CCDC7: variants seen among roughly 807,000 people sequenced by gnomAD.
CCDC7 encodes coiled-coil domain-containing protein 7.
A neutral mutation model predicts 196.9 loss-of-function variants in CCDC7; 183 were observed. That is an observed-to-expected ratio of 0.93 (90% CI 0.82 to 1.05). The LOEUF is 1.05. CCDC7 is among the 50% of genes least tolerant of loss of function. The probability of loss-of-function intolerance (pLI) is 0.00; values close to 1 mark genes in which losing one functional copy is unlikely to be tolerated. For missense variants in CCDC7, 1,540 were observed against 1,482.2 expected (o/e 1.04, Z -0.64); for synonymous variants, 525 against 484.6 (o/e 1.08, Z -1.10).
chr10:32,834,725 C>A, intron 32 of CCDC7, 90 bp from the exon 34 acceptor site: 1 of 527,356 alleles, frequency 1.9e-6, no homozygotes, highest in Non-Finnish European at 3.5e-6. Context: ...ACTATTCATA[C>A]ATACAAATAT....
At chr10:32,637,673 A>G (rs2065902601) in intron 20 of CCDC7, among the ~76,000 whole-genome samples, 1 of 152,170 alleles carries the variant, frequency 6.6e-6, no homozygotes, top group Admixed American at 6.5e-5. Context: ...TGGTACCTCC[A>G]GCTTTGTTCT....
At chr10:32,545,001 A>G (rs1183904102) in intron 13 of CCDC7, among the ~76,000 whole-genome samples, 1 of 152,238 alleles carries the variant, frequency 6.6e-6, no homozygotes, top group Non-Finnish European at 1.5e-5. Context: ...ACAAAGTACA[A>G]TAGGAAAAAA....
intron 21 of CCDC7, among the ~76,000 whole-genome samples, chr10:32,669,966 G>C (rs1425040396): frequency 1.3e-5 from 2 of 152,106 alleles, no homozygotes; most frequent in African/African-American, 4.8e-5. Context: ...TGCTTGGTGA[G>C]CATGGAGTCA....
At chr10:32,557,248 A>G (rs1397889983) in intron 13 of CCDC7, among the ~76,000 whole-genome samples, 1 of 143,694 alleles carries the variant, frequency 7.0e-6, no homozygotes, top group Non-Finnish European at 1.5e-5. Flanking sequence ...ATAATATGTC[A>G]TTTTTCTTTG....
intron 28 of CCDC7, among the ~76,000 whole-genome samples, chr10:32,765,838 G>T (rs1009038390): frequency 5.9e-5 from 9 of 151,972 alleles, no homozygotes; most frequent in African/African-American, 2.2e-4. Flanking sequence ...GTATCCCCTG[G>T]TAACTGGCAT....
intron 11 of CCDC7, among the ~76,000 whole-genome samples, chr10:32,537,676 G>T (rs963294922): frequency 2.0e-5 from 3 of 152,124 alleles, no homozygotes; most frequent in Non-Finnish European, 2.9e-5. Context: ...TGAATGTGGT[G>T]TAAGGTAGGG....
chr10:32,625,494 G>T (rs1319307257), intron 18 of CCDC7, among the ~76,000 whole-genome samples: 1 of 149,778 alleles, frequency 6.7e-6, no homozygotes, highest in South Asian at 2.1e-4. Context: ...ATTTATTATG[G>T]GGTATAAAGC....
chr10:32,849,273 T>C (rs12256673), intron 39 of CCDC7, among the ~76,000 whole-genome samples: 2,903 of 152,280 alleles, frequency 0.019, 95 homozygotes, highest in African/African-American at 0.066. Context: ...CTGATGATTG[T>C]CTTGGCTGGG....
intron 41 of CCDC7, among the ~76,000 whole-genome samples, chr10:32,863,886 A>AAAAT (rs76626663): frequency 0.31 from 46,357 of 147,244 alleles, 9,321 homozygotes; most frequent in Non-Finnish European, 0.46. Context: ...GCTAAAAAAC[A>AAAAT]AAATAAATAA....
intron 8 of CCDC7, among the ~76,000 whole-genome samples, chr10:32,483,579 G>T (rs1365934741): frequency 6.6e-6 from 1 of 152,208 alleles, no homozygotes; most frequent in Non-Finnish European, 1.5e-5. Flanking sequence ...CCATGCCTAT[G>T]TCCTGAATGG....
intron 20 of CCDC7, among the ~76,000 whole-genome samples, chr10:32,654,257 A>G (rs974789429): frequency 4.6e-5 from 7 of 152,250 alleles, no homozygotes; most frequent in African/African-American, 1.7e-4. Flanking sequence ...AGTTATTTGA[A>G]TAGTTTTATA....
At chr10:32,687,392 G>T (rs1248597159) in intron 22 of CCDC7, among the ~76,000 whole-genome samples, 1 of 152,100 alleles carries the variant, frequency 6.6e-6, no homozygotes, top group Non-Finnish European at 1.5e-5. Flanking sequence ...TCCCCTTAGG[G>T]CTTGAGGCTG....
chr10:32,478,169 A>G (rs1178727431), intron 8 of CCDC7, among the ~76,000 whole-genome samples: 2 of 152,224 alleles, frequency 1.3e-5, no homozygotes, highest in Non-Finnish European at 2.9e-5. Flanking sequence ...ATAGGAAAGC[A>G]ATTGCAATTA....
rs532731155 is a variant in CCDC7, at chr10:32,819,210, T to C, written c.3181+4757T>C. Among the ~76,000 whole-genome samples, 4 of 151,992 alleles carry C rather than the reference T, an allele frequency of 2.6e-5. No individual in the cohort carries two copies. In the South Asian group the frequency reaches 8.3e-4, roughly 32 times the overall value. On this transcript the variant is annotated intron_variant, in intron 31 of 41. Transcript: ENST00000639629. ...ACCTCTACACAAATAAACTAGAAAA[T>C]CTAGAAGAAATGGATACATTCCTTG...
chr10:32,753,102 A>G (rs941559978), intron 28 of CCDC7, among the ~76,000 whole-genome samples: 6 of 152,282 alleles, frequency 3.9e-5, no homozygotes, highest in African/African-American at 1.2e-4. Context: ...TTTCTTTTCA[A>G]TGTATTTCAA....
chr10:32,627,766 A>G (rs772989201), intron 18 of CCDC7, among the ~76,000 whole-genome samples: 14 of 152,066 alleles, frequency 9.2e-5, no homozygotes, highest in Non-Finnish European at 5.9e-5. Flanking sequence ...ATCTATTGAG[A>G]TGATCATGTG....
chr10:32,765,101 G>T (rs2078063322), intron 28 of CCDC7, among the ~76,000 whole-genome samples: 1 of 151,908 alleles, frequency 6.6e-6, no homozygotes, highest in Admixed American at 6.6e-5. Context: ...TCAATTCCCA[G>T]ACTTGATCAA....
At chr10:32,726,757 G>C in exon 26 of CCDC7, 1 of 1,598,518 alleles carries the variant, frequency 6.3e-7, no homozygotes, top group East Asian at 2.2e-5. Flanking sequence ...TTCTATGTTT[G>C]TTCATCAAGA....
chr10:32,608,672 C>T (rs1341621356), intron 18 of CCDC7, among the ~76,000 whole-genome samples: 1 of 152,146 alleles, frequency 6.6e-6, no homozygotes, highest in Non-Finnish European at 1.5e-5. Flanking sequence ...ACCTGAATAG[C>T]CGGGACTACA....
Sources: allele counts gnomAD v4.1 joint callset (sites outside exome capture counted in the v4.1 genomes callset), GRCh38; gene constraint gnomAD v4.1.1; transcripts MANE v1.5; gene names NCBI Gene and HGNC (gene_info 2026-07-23, HGNC 2026-07-21).